Variants in GLRA3 observed in about 807,000 individuals in gnomAD.
GLRA3 encodes the protein glycine receptor subunit alpha-3.
GLRA3 carries 44 observed loss-of-function variants against 60.4 expected under a neutral mutation model. The ratio of observed to expected loss-of-function variants is 0.73; its 90% CI spans 0.57 to 0.94. The LOEUF (loss-of-function observed/expected upper bound fraction) is 0.94, where lower values mean the gene tolerates loss of function less well. Ranked by LOEUF, GLRA3 falls within the 40% of genes least tolerant of loss-of-function variation. GLRA3 has a pLI of 0.00. For synonymous variants in GLRA3, 223 were observed against 192.9 expected, an observed-to-expected ratio of 1.16 and a Z score of -1.29; for missense variants, 508 against 564.6, an observed-to-expected ratio of 0.90 and a Z score of 1.02.
intron 3 of GLRA3, among the ~76,000 whole-genome samples, chr4:174,763,824 T>C (rs1156565163): frequency 2.6e-5 from 4 of 152,188 alleles, no homozygotes; most frequent in African/African-American, 9.7e-5. Context: ...TAATTTAATA[T>C]TTTTAAGAAC....
intron 1 of GLRA3, among the ~76,000 whole-genome samples, chr4:174,813,740 T>A (rs1313679858): frequency 1.3e-5 from 2 of 152,244 alleles, no homozygotes; most frequent in Non-Finnish European, 2.9e-5. Flanking sequence ...ATTTAAAATC[T>A]ATCCTTCAAC....
At chr4:174,800,293 A>AT (rs1380187824) in intron 1 of GLRA3, among the ~76,000 whole-genome samples, 1 of 152,056 alleles carries the variant, frequency 6.6e-6, no homozygotes, top group Non-Finnish European at 1.5e-5. Flanking sequence ...TTTTTCATAG[A>AT]TTTTATATGG....
chr4:174,733,135 C>A (rs543240607), intron 3 of GLRA3, among the ~76,000 whole-genome samples: 5 of 151,934 alleles, frequency 3.3e-5, no homozygotes, highest in African/African-American at 9.7e-5. Flanking sequence ...TGATGTGAAA[C>A]TGACTGGGTC....
intron 5 of GLRA3, among the ~76,000 whole-genome samples, chr4:174,695,043 A>C (rs1336562091): frequency 4.6e-5 from 7 of 152,110 alleles, no homozygotes; most frequent in Non-Finnish European, 7.4e-5. Context: ...TGATTTCCTA[A>C]ACAGATCAAT....
chr4:174,753,704 T>C (rs1309585632), intron 3 of GLRA3, among the ~76,000 whole-genome samples: 1 of 152,190 alleles, frequency 6.6e-6, no homozygotes, highest in Non-Finnish European at 1.5e-5. Context: ...TCTAGAGAGA[T>C]CCTTGACCAG....
At chr4:174,693,164 A>T (rs928154717) in intron 5 of GLRA3, among the ~76,000 whole-genome samples, 3 of 152,194 alleles carry the variant, frequency 2.0e-5, no homozygotes, top group African/African-American at 7.2e-5. Flanking sequence ...AAATATAATT[A>T]GATCCCACTT....
intron 6 of GLRA3, among the ~76,000 whole-genome samples, chr4:174,679,353 T>A (rs1214199797): frequency 6.6e-6 from 1 of 151,764 alleles, no homozygotes; most frequent in East Asian, 1.9e-4. Flanking sequence ...CAAAATAAGA[T>A]ATTATCTCAC....
At chr4:174,728,874 T>C (rs925186129) in intron 3 of GLRA3, among the ~76,000 whole-genome samples, 176 bp from the exon 4 acceptor site, 1 of 152,130 alleles carries the variant, frequency 6.6e-6, no homozygotes, top group Non-Finnish European at 1.5e-5. Flanking sequence ...AGAGGGAGGA[T>C]GGAAATCTCT....
intron 1 of GLRA3, among the ~76,000 whole-genome samples, chr4:174,801,754 A>C (rs905127716): frequency 3.3e-5 from 5 of 152,016 alleles, no homozygotes; most frequent in African/African-American, 1.2e-4. Flanking sequence ...TCTTACTTTC[A>C]TTATGATCCA....
At chr4:174,693,252 T>A (rs1734929470) in intron 5 of GLRA3, among the ~76,000 whole-genome samples, 1 of 152,232 alleles carries the variant, frequency 6.6e-6, no homozygotes, top group Admixed American at 6.5e-5. Flanking sequence ...TCCAGGATTG[T>A]ATTTCTTAAG....
At chr4:174,728,891 T>C (rs917616969) in intron 3 of GLRA3, among the ~76,000 whole-genome samples, 193 bp from the exon 4 acceptor site, 1 of 152,158 alleles carries the variant, frequency 6.6e-6, no homozygotes, top group African/African-American at 2.4e-5. Context: ...CTCTGTACCT[T>C]CTTCTCAATT....
At chr4:174,693,145 G>A (rs1198954339) in intron 5 of GLRA3, among the ~76,000 whole-genome samples, 1 of 152,080 alleles carries the variant, frequency 6.6e-6, no homozygotes, top group Non-Finnish European at 1.5e-5. Flanking sequence ...TTACTGTGCA[G>A]AAACTCTTAA....
intron 5 of GLRA3, among the ~76,000 whole-genome samples, chr4:174,706,930 G>A (rs187245691): frequency 1.3e-5 from 2 of 152,086 alleles, no homozygotes; most frequent in Non-Finnish European, 2.9e-5. Context: ...AGGAAGCTGT[G>A]GTCAGTAGGA....
intron 5 of GLRA3, among the ~76,000 whole-genome samples, chr4:174,697,052 G>A (rs934361515): frequency 6.6e-6 from 1 of 152,024 alleles, no homozygotes; most frequent in Non-Finnish European, 1.5e-5. Flanking sequence ...AAAATCTTTG[G>A]TGGTTTAAAA....
At chr4:174,713,011 T>C (rs145123897) in intron 5 of GLRA3, among the ~76,000 whole-genome samples, 225 of 152,076 alleles carry the variant, frequency 1.5e-3, no homozygotes, top group Middle Eastern at 0.01. Context: ...TGTATGTATA[T>C]GTAATTGTCC....
intron 5 of GLRA3, among the ~76,000 whole-genome samples, chr4:174,685,194 G>A (rs2110984321): frequency 6.6e-6 from 1 of 152,168 alleles, no homozygotes; most frequent in African/African-American, 2.4e-5. Flanking sequence ...CATTGAGTAG[G>A]GAAAGGAACT....
At chr4:174,696,124 G>A (rs1360870355) in intron 5 of GLRA3, among the ~76,000 whole-genome samples, 1 of 151,960 alleles carries the variant, frequency 6.6e-6, no homozygotes, top group African/African-American at 2.4e-5. Flanking sequence ...AATATCCCAT[G>A]CTAATGGATA....
Position 174,639,230 on chromosome 4 carries a change from G to A in GLRA3, c.*4556C>T, listed in dbSNP as rs1181466550. ...TGCATGATTAAGAGCTGGCCAAATC[G>A]AATGACTGCATGGTTCATATTTTCC... is the stretch of plus-strand genomic sequence containing the variant. On this transcript the variant is annotated 3_prime_UTR_variant, in exon 10 of 10. Coordinates refer to ENST00000274093, the MANE Select transcript of GLRA3 (RefSeq NM_006529.4). 6.6e-6 allele frequency: 1 copy of A among 152,064 alleles called. No individual in the cohort carries two copies. Among genetic ancestry groups the A allele is most frequent in the African/African-American group, 2.4e-5 (1 of 41,416 alleles). The allele number at this position is 152,064 out of a possible 1,614,324, so 9.4% of individuals were successfully genotyped here.
chr4:174,735,041 G>A (rs577693342), intron 3 of GLRA3, among the ~76,000 whole-genome samples: 2 of 152,142 alleles, frequency 1.3e-5, no homozygotes, highest in South Asian at 2.1e-4. Context: ...TTAATCTCCC[G>A]CTAAGGTGCT....
Sources: gnomAD v4.1 joint callset for allele counts (sites outside exome capture counted in the v4.1 genomes callset) on GRCh38, gnomAD v4.1.1 for gene constraint, MANE v1.5 for transcripts, NCBI Gene and HGNC (gene_info 2026-07-23, HGNC 2026-07-21) for gene names.